The following IPO11 variants were observed in gnomAD, a reference collection of about 807,000 sequenced individuals.
IPO11 encodes the protein importin-11.
In IPO11, 66 loss-of-function variants were observed where a neutral mutation model predicts 143.2. That is an observed-to-expected ratio of 0.46 (90% confidence interval 0.38 to 0.57). The LOEUF is 0.57. Among genes scored for constraint, IPO11 ranks in the 20% least tolerant of loss-of-function variants. The pLI is 0.00. For synonymous variants in IPO11, 385 were observed against 377.8 expected (o/e 1.02, Z -0.22); for missense variants, 1,026 against 1,141.0 (o/e 0.90, Z 1.45).
chr5:62,476,487 T>A (rs536887977), intron 8 of IPO11, among the ~76,000 whole-genome samples, 196 bp from the exon 9 acceptor site: 1 of 152,320 alleles, frequency 6.6e-6, no homozygotes, highest in African/African-American at 2.4e-5. Flanking sequence ...TATATTAGGG[T>A]TAATTTTATA....
chr5:62,502,258 T>A (rs1475170315), intron 16 of IPO11, among the ~76,000 whole-genome samples: 1 of 152,176 alleles, frequency 6.6e-6, no homozygotes, highest in Non-Finnish European at 1.5e-5. Flanking sequence ...TCAGCTGGGG[T>A]AGGGTAGACA....
chr5:62,435,188 A>ATG (rs879563820), intron 1 of IPO11, among the ~76,000 whole-genome samples: 17,275 of 115,574 alleles, frequency 0.15, 2,883 homozygotes, highest in Middle Eastern at 0.23. Flanking sequence ...ATGTATATAT[A>ATG]TGTATATATA....
intron 20 of IPO11, among the ~76,000 whole-genome samples, chr5:62,520,359 T>C (rs138452525): frequency 8.8e-4 from 134 of 152,108 alleles, no homozygotes; most frequent in African/African-American, 3.1e-3. Flanking sequence ...TTCATCATCT[T>C]GAAGAGATAC....
chr5:62,590,408 C>A (rs537764760), intron 27 of IPO11, among the ~76,000 whole-genome samples: 6 of 152,134 alleles, frequency 3.9e-5, no homozygotes, highest in African/African-American at 1.4e-4. Context: ...GGTTTTAGTG[C>A]CTAAAAACTT....
At chr5:62,622,440 A>C (rs2112483671) in intron 29 of IPO11, among the ~76,000 whole-genome samples, 1 of 152,298 alleles carries the variant, frequency 6.6e-6, no homozygotes, top group African/African-American at 2.4e-5. Flanking sequence ...TATATATGTG[A>C]ATGGCCTACC....
chr5:62,425,139 G>GCT (rs1281343106), intron 1 of IPO11, among the ~76,000 whole-genome samples: 2 of 152,054 alleles, frequency 1.3e-5, no homozygotes, highest in Non-Finnish European at 2.9e-5. Flanking sequence ...AGCATTCTTT[G>GCT]CTCTATCCTC....
chr5:62,578,792 TAAA>T (rs746071621), intron 27 of IPO11: 1,873 of 335,502 alleles, frequency 5.6e-3, no homozygotes, highest in South Asian at 8.3e-3. Context: ...AACGGTGACT[TAAA>T]AAAAAAAAAA....
At chr5:62,559,708 G>A (rs902369814) in intron 26 of IPO11, among the ~76,000 whole-genome samples, 3 of 151,752 alleles carry the variant, frequency 2.0e-5, no homozygotes, top group East Asian at 1.9e-4. Context: ...CCTTAGGTCC[G>A]GAGTTTGATA....
Position 62,488,672 on chromosome 5 carries a change from A to G in IPO11, c.1310-630A>G, listed in dbSNP as rs114909179. The stretch of plus-strand genomic sequence containing the variant: ...TAAATAAAAGCCTTGTAAAAATGCC[A>G]GGTGTAGTGGTGTATCCTAGAGAAG... On this transcript the variant is annotated intron_variant, in intron 13 of 29. Coordinates refer to ENST00000325324, the MANE Select transcript of IPO11 (RefSeq NM_016338.5). 7.9e-3 allele frequency among the ~76,000 whole-genome samples: 1,204 copies of G among 152,270 alleles called. 20 individuals are homozygous for G. The highest frequency in any genetic ancestry group is 0.027 in the African/African-American group (1,138 of 41,558).
intron 16 of IPO11, among the ~76,000 whole-genome samples, chr5:62,501,219 C>T (rs1051515979): frequency 1.3e-5 from 2 of 152,100 alleles, no homozygotes; most frequent in African/African-American, 2.4e-5. Context: ...TGTACACTCT[C>T]TAATTTTTTT....
intron 27 of IPO11, chr5:62,575,861 A>G (rs1489818613): frequency 6.6e-6 from 1 of 152,100 alleles, no homozygotes; most frequent in African/African-American, 2.4e-5. Context: ...ATTAAAATTT[A>G]TCTCCTACAT....
chr5:62,451,973 G>T, intron 5 of IPO11, 40 bp downstream of exon 5: 3 of 1,544,108 alleles, frequency 1.9e-6, no homozygotes, highest in Non-Finnish European at 1.8e-6. Flanking sequence ...TATGAAAATT[G>T]TGCGGCCGGG....
rs552704785 is a variant in IPO11, at chr5:62,524,378, G to A, written c.1897-1764G>A. On this transcript the variant is annotated intron_variant, in intron 20 of 29. Coordinates refer to ENST00000325324, the MANE Select transcript of IPO11 (RefSeq NM_016338.5). ...AGCAGTGTGTTTAGCGATTGCTTAC[G>A]TTAGTTTTGCTAATGCTAGCATATT... 1.1e-3 allele frequency among the ~76,000 whole-genome samples: 175 copies of A among 152,244 alleles called. 1 individual carries two copies. Among genetic ancestry groups the A allele is most frequent in the African/African-American group, 3.7e-3 (152 of 41,554 alleles).
chr5:62,500,449 T>G (rs1741309732), intron 16 of IPO11, among the ~76,000 whole-genome samples: 1 of 152,212 alleles, frequency 6.6e-6, no homozygotes, highest in Non-Finnish European at 1.5e-5. Flanking sequence ...CGTAGTTGCT[T>G]ATTTTCATTA....
At chr5:62,548,047 A>G (rs1743265856) in intron 24 of IPO11, among the ~76,000 whole-genome samples, 1 of 150,390 alleles carries the variant, frequency 6.6e-6, no homozygotes, top group Non-Finnish European at 1.5e-5. Flanking sequence ...TTCCTTCATG[A>G]GTTGTTAATT....
intron 13 of IPO11, among the ~76,000 whole-genome samples, chr5:62,488,276 T>C (rs1746482459): frequency 6.6e-6 from 1 of 152,264 alleles, no homozygotes. Context: ...CATTACACTT[T>C]GTACACAAGT....
Position 62,435,092 on chromosome 5 carries a change from G to GTATATATGTATATATATGTA in IPO11, c.-6-2176_-6-2157dup, listed in dbSNP as rs1204799227. ...TATATGTATATATATGTGTATATAT[G>GTATATATGTATATATATGTA]TATATATGTATATATATGTATATAT... On this transcript the variant is annotated intron_variant, in intron 1 of 29. Coordinates refer to ENST00000325324, the MANE Select transcript of IPO11 (RefSeq NM_016338.5). 6.0e-4 allele frequency among the ~76,000 whole-genome samples: 35 copies of GTATATATGTATATATATGTA among 58,264 alleles called. 3 individuals are homozygous for GTATATATGTATATATATGTA. The highest frequency in any genetic ancestry group is 2.4e-3 in the East Asian group (4 of 1,696). The allele number at this position is 58,264 out of a possible 152,430, so 38.2% of individuals were successfully genotyped here.
intron 24 of IPO11, among the ~76,000 whole-genome samples, chr5:62,547,567 ACT>A (rs1023969512): frequency 1.3e-5 from 2 of 151,454 alleles, no homozygotes; most frequent in African/African-American, 4.9e-5. Flanking sequence ...TCTTTCAGAA[ACT>A]CTCATCTTCT....
At chr5:62,598,148 T>G (rs1451212157) in intron 28 of IPO11, among the ~76,000 whole-genome samples, 1 of 152,148 alleles carries the variant, frequency 6.6e-6, no homozygotes, top group Non-Finnish European at 1.5e-5. Flanking sequence ...AACATTCTCC[T>G]GCTGAAAGTA....
Sources: gnomAD v4.1 joint callset for allele counts (sites outside exome capture counted in the v4.1 genomes callset) on GRCh38, gnomAD v4.1.1 for gene constraint, MANE v1.5 for transcripts, NCBI Gene and HGNC (gene_info 2026-07-23, HGNC 2026-07-21) for gene names.